SHISA9: variants seen among roughly 807,000 people sequenced by gnomAD.
The protein encoded by SHISA9 is shisa family member 9.
In SHISA9, 13 loss-of-function variants were observed where a neutral mutation model predicts 38.0. The observed-to-expected ratio is 0.34, with a 90% CI of 0.22 to 0.54. SHISA9 has a LOEUF of 0.54. Among genes scored for constraint, SHISA9 ranks in the 20% least tolerant of loss-of-function variants. The pLI is 0.91. For synonymous variants in SHISA9, 275 were observed against 242.0 expected (o/e 1.14, Z -1.27); for missense variants, 538 against 575.8 (o/e 0.93, Z 0.67).
At chr16:13,098,526 G>C (rs1027026169) in intron 2 of SHISA9, among the ~76,000 whole-genome samples, 1 of 152,194 alleles carries the variant, frequency 6.6e-6, no homozygotes, top group Non-Finnish European at 1.5e-5. Flanking sequence ...CTCTGCAAGT[G>C]AGAAAGGGGG....
the SHISA9 span, among the ~76,000 whole-genome samples, chr16:13,318,269 A>G: frequency 3.9e-5 from 6 of 152,170 alleles, no homozygotes; most frequent in South Asian, 1.2e-3. Context: ...CTCTACTTCT[A>G]GATGCCAGTA....
At chr16:12,956,264 T>C (rs924444798) in intron 2 of SHISA9, among the ~76,000 whole-genome samples, 1 of 152,194 alleles carries the variant, frequency 6.6e-6, no homozygotes, top group African/African-American at 2.4e-5. Flanking sequence ...AAAGGGAATG[T>C]TTATACACTG....
At chr16:12,922,865 CATT>C (rs1348834414) in intron 2 of SHISA9, among the ~76,000 whole-genome samples, 1 of 152,100 alleles carries the variant, frequency 6.6e-6, no homozygotes, top group Non-Finnish European at 1.5e-5. Context: ...TTGTCTCACT[CATT>C]ATTTTATTTA....
At chr16:13,261,475 G>A in the SHISA9 span, among the ~76,000 whole-genome samples, 96 of 152,104 alleles carry the variant, frequency 6.3e-4, 1 homozygote, top group Admixed American at 6.2e-3. Context: ...GTAAGTATCA[G>A]GGTCCAATGC....
chr16:13,354,424 A>G, the SHISA9 span, among the ~76,000 whole-genome samples: 4 of 150,984 alleles, frequency 2.6e-5, no homozygotes, highest in African/African-American at 9.8e-5. Context: ...CATGGGGGTC[A>G]GGTGTGGTAT....
intron 2 of SHISA9, among the ~76,000 whole-genome samples, chr16:13,005,341 T>G (rs2072584914): frequency 6.6e-6 from 1 of 152,058 alleles, no homozygotes. Flanking sequence ...GCTAAGGAAA[T>G]ATAGAAGATG....
chr16:13,071,137 T>G (rs566657291), intron 2 of SHISA9, among the ~76,000 whole-genome samples: 1 of 152,148 alleles, frequency 6.6e-6, no homozygotes, highest in African/African-American at 2.4e-5. Context: ...ATGTATTTAA[T>G]GACAGAGAAC....
At chr16:12,988,748 C>T (rs1403583815) in intron 2 of SHISA9, among the ~76,000 whole-genome samples, 1 of 152,108 alleles carries the variant, frequency 6.6e-6, no homozygotes. Context: ...TGATCTCGAA[C>T]CCCTGACCTC....
At position 12,929,322 on chromosome 16, in the gene SHISA9, A is replaced by G. The variant is rs528797010; in HGVS notation, c.691+12507A>G. Among the ~76,000 whole-genome samples, 4 of 152,326 alleles carry G rather than the reference A, an allele frequency of 2.6e-5. No homozygotes were observed. The South Asian group carries it at 8.3e-4, about 32-fold the overall frequency. On this transcript the variant is annotated intron_variant, in intron 2 of 4. Transcript: ENST00000558583. ...CCAAAGGAATATAAATCATTCTATT[A>G]TAAAGATACATGCACCTGTATGTTC... is the stretch of plus-strand genomic sequence containing the variant.
chr16:13,308,183 T>C, the SHISA9 span, among the ~76,000 whole-genome samples: 2 of 150,408 alleles, frequency 1.3e-5, no homozygotes, highest in Admixed American at 1.3e-4. Flanking sequence ...TCTGGGACTT[T>C]CTAACGCACA....
the SHISA9 span, among the ~76,000 whole-genome samples, chr16:13,302,070 G>C: frequency 3.9e-5 from 6 of 152,294 alleles, no homozygotes; most frequent in African/African-American, 1.2e-4. Context: ...GCATTAGACA[G>C]TGGGGTAGTA....
chr16:13,246,575 T>C, the SHISA9 span, among the ~76,000 whole-genome samples: 1 of 152,224 alleles, frequency 6.6e-6, no homozygotes, highest in Non-Finnish European at 1.5e-5. Context: ...ATTTTTTGTG[T>C]ATCAGGCACT....
chr16:13,322,665 G>A, the SHISA9 span, among the ~76,000 whole-genome samples: 2 of 152,148 alleles, frequency 1.3e-5, no homozygotes, highest in Non-Finnish European at 2.9e-5. Context: ...CTGCAGATGC[G>A]CTTCCCTCAC....
At chr16:13,432,249 G>A in the SHISA9 span, among the ~76,000 whole-genome samples, 1 of 152,200 alleles carries the variant, frequency 6.6e-6, no homozygotes, top group African/African-American at 2.4e-5. Context: ...TTCAGAAGAT[G>A]TAGGATATCT....
At chr16:13,111,502 G>T (rs562559270) in intron 2 of SHISA9, among the ~76,000 whole-genome samples, 1 of 152,240 alleles carries the variant, frequency 6.6e-6, no homozygotes, top group African/African-American at 2.4e-5. Flanking sequence ...TGTAAAGTCA[G>T]ACTGAAAACA....
chr16:13,158,485 C>T (rs1301480243), intron 2 of SHISA9, among the ~76,000 whole-genome samples: 1 of 152,134 alleles, frequency 6.6e-6, no homozygotes, highest in Non-Finnish European at 1.5e-5. Context: ...CTGGGAGGAC[C>T]CTGCTATTGC....
the SHISA9 span, among the ~76,000 whole-genome samples, chr16:13,451,958 G>A: frequency 6.6e-6 from 1 of 152,222 alleles, no homozygotes; most frequent in African/African-American, 2.4e-5. Context: ...AAGGGGTACA[G>A]AGAGACTGCT....
chr16:13,196,768 A>G (rs1052422756), intron 2 of SHISA9, among the ~76,000 whole-genome samples: 10 of 152,102 alleles, frequency 6.6e-5, no homozygotes, highest in African/African-American at 2.4e-4. Flanking sequence ...TAAATCTAAA[A>G]CCGTTTCATA....
At chr16:12,908,278 C>G (rs2071130791) in intron 1 of SHISA9, among the ~76,000 whole-genome samples, 2 of 152,272 alleles carry the variant, frequency 1.3e-5, no homozygotes, top group Middle Eastern at 6.8e-3. Flanking sequence ...AGTCTCCTAA[C>G]CTCTCTGGAC....
Sources: gnomAD v4.1 joint callset for allele counts (sites outside exome capture counted in the v4.1 genomes callset) on GRCh38, gnomAD v4.1.1 for gene constraint, MANE v1.5 for transcripts, NCBI Gene and HGNC (gene_info 2026-07-23, HGNC 2026-07-21) for gene names.